Variants in ZPBP observed in about 807,000 individuals in gnomAD.
The protein encoded by ZPBP is zona pellucida binding protein.
In ZPBP, 26 loss-of-function variants were observed where a neutral mutation model predicts 44.8. That is an observed-to-expected ratio of 0.58 (90% confidence interval 0.43 to 0.81). The LOEUF (loss-of-function observed/expected upper bound fraction) is 0.81. Ranked by LOEUF, ZPBP falls within the 30% of genes least tolerant of loss-of-function variation. The pLI, the probability that ZPBP is intolerant of heterozygous loss-of-function variation, is 0.00. For missense variants in ZPBP, 409 were observed against 434.0 expected (o/e 0.94, Z 0.51); for synonymous variants, 174 against 153.2 (o/e 1.14, Z -1.00).
chr7:50,081,345 G>C (rs1273016829), intron 3 of ZPBP, among the ~76,000 whole-genome samples: 1 of 151,658 alleles, frequency 6.6e-6, no homozygotes, highest in Non-Finnish European at 1.5e-5. Context: ...AACAAAGCCA[G>C]CTAAGTTAAC....
downstream of ZPBP, among the ~76,000 whole-genome samples, chr7:49,934,426 A>C (rs1453339180): frequency 8.1e-6 from 1 of 124,172 alleles, no homozygotes; most frequent in African/African-American, 3.0e-5. Context: ...CACTGCAGAA[A>C]ATTTGGAAAA....
At chr7:49,956,029 C>A (rs1483523306) in intron 7 of ZPBP, among the ~76,000 whole-genome samples, 1 of 152,038 alleles carries the variant, frequency 6.6e-6, no homozygotes, top group Non-Finnish European at 1.5e-5. Flanking sequence ...TAATATCCAG[C>A]CATCCTATTG....
rs1176726182 is a variant in ZPBP at position 49,911,279 on chromosome 7, C to G, written n.412-10064G>C. Reference sequence around the variant, plus strand: ...CGGGCAGATCACGAGGTCAAGAGATCGAGACCATCCTGGCCAACATGGTGA... The same window carrying G: ...CGGGCAGATCACGAGGTCAAGAGATGGAGACCATCCTGGCCAACATGGTGA... On this transcript the variant is annotated intron_variant and non_coding_transcript_variant, in intron 1 of 2. Coordinates refer to the ZPBP transcript ENST00000465922. Among the ~76,000 whole-genome samples the G allele has an allele frequency of 2.0e-5, 3 of 151,814 alleles. No homozygotes were observed. In the East Asian group the frequency reaches 5.8e-4, roughly 30 times the overall value.
At chr7:49,957,111 G>A (rs752992198) in intron 7 of ZPBP, among the ~76,000 whole-genome samples, 1 of 152,088 alleles carries the variant, frequency 6.6e-6, no homozygotes, top group Admixed American at 6.6e-5. Flanking sequence ...TCTGTCTCAC[G>A]CCCTCTCTTT....
chr7:49,975,365 CAT>C (rs754956648), intron 7 of ZPBP, among the ~76,000 whole-genome samples: 35 of 152,260 alleles, frequency 2.3e-4, no homozygotes, highest in Admixed American at 6.5e-4. Flanking sequence ...TGTTCCTTCT[CAT>C]AGTTTCCTGA....
intron 1 of ZPBP, among the ~76,000 whole-genome samples, chr7:50,090,655 A>G (rs1485561566): frequency 2.6e-5 from 4 of 152,162 alleles, no homozygotes; most frequent in South Asian, 2.1e-4. Context: ...ATGCACACAC[A>G]CACACACATA....
chr7:50,083,838 T>A (rs932974876), intron 2 of ZPBP, among the ~76,000 whole-genome samples: 1 of 151,934 alleles, frequency 6.6e-6, no homozygotes, highest in Non-Finnish European at 1.5e-5. Flanking sequence ...AAATTCCAGG[T>A]ACACTGAATA....
At chr7:49,908,597 C>A (rs961501632) in intron 1 of ZPBP, among the ~76,000 whole-genome samples, 16 of 151,716 alleles carry the variant, frequency 1.1e-4, no homozygotes, top group African/African-American at 3.9e-4. Context: ...TATCTGTGCC[C>A]ACCAAGAAGG....
At chr7:49,932,372 C>T (rs1002482161) in intron 1 of ZPBP, among the ~76,000 whole-genome samples, 11 of 152,224 alleles carry the variant, frequency 7.2e-5, no homozygotes, top group African/African-American at 2.4e-4. Flanking sequence ...TGGGAACCCA[C>T]CTCTTGCATC....
intron 1 of ZPBP, among the ~76,000 whole-genome samples, chr7:49,902,554 CAAAA>C (rs34786165): frequency 1.9e-5 from 2 of 106,668 alleles, no homozygotes. Context: ...TATCCGTAGC[CAAAA>C]AAAAAAAAAA....
intron 4 of ZPBP, among the ~76,000 whole-genome samples, chr7:50,048,753 T>A (rs1288488000): frequency 6.6e-6 from 1 of 151,928 alleles, no homozygotes; most frequent in African/African-American, 2.4e-5. Flanking sequence ...CGTAGCCTAA[T>A]CTTTTATCTT....
At chr7:49,954,469 G>C (rs1225622777) in intron 7 of ZPBP, among the ~76,000 whole-genome samples, 1 of 152,116 alleles carries the variant, frequency 6.6e-6, no homozygotes, top group Non-Finnish European at 1.5e-5. Context: ...TTAAGATTTT[G>C]TCCATCAAAG....
At chr7:49,949,699 T>G (rs1356705901) in intron 7 of ZPBP, among the ~76,000 whole-genome samples, 2 of 151,974 alleles carry the variant, frequency 1.3e-5, no homozygotes, top group African/African-American at 4.8e-5. Context: ...ATTCTAGAGA[T>G]GGATGGTGAT....
chr7:50,006,998 T>C (rs577051267), intron 6 of ZPBP, among the ~76,000 whole-genome samples: 1 of 152,034 alleles, frequency 6.6e-6, no homozygotes, highest in East Asian at 1.9e-4. Context: ...GATCAAGTCA[T>C]GAGAGCAGGA....
chr7:50,064,009 T>G (rs568650646), intron 3 of ZPBP, among the ~76,000 whole-genome samples: 3 of 152,334 alleles, frequency 2.0e-5, no homozygotes, highest in African/African-American at 7.2e-5. Context: ...TCATTATCTT[T>G]CCAGTCTCTT....
At chr7:49,981,661 A>T (rs188084228) in intron 7 of ZPBP, among the ~76,000 whole-genome samples, 740 of 55,876 alleles carry the variant, frequency 0.013, 134 homozygotes, top group African/African-American at 0.027. Context: ...TTGATATAAA[A>T]TATATATTAT....
chr7:49,938,720 C>T (rs1314385862), intron 7 of ZPBP, among the ~76,000 whole-genome samples: 1 of 152,054 alleles, frequency 6.6e-6, no homozygotes, highest in Non-Finnish European at 1.5e-5. Flanking sequence ...TCCTCTTTTT[C>T]CTGTTGCAAA....
chr7:49,909,080 G>A (rs1008186236), intron 1 of ZPBP, among the ~76,000 whole-genome samples: 1 of 152,082 alleles, frequency 6.6e-6, no homozygotes, highest in Non-Finnish European at 1.5e-5. Context: ...GGCCCTGTGA[G>A]GTCTTATTAT....
chr7:49,951,793 G>C (rs1157484863), intron 7 of ZPBP, among the ~76,000 whole-genome samples: 1 of 151,498 alleles, frequency 6.6e-6, no homozygotes, highest in Non-Finnish European at 1.5e-5. Flanking sequence ...AATGTTCACA[G>C]CAACAGTATT....
Sources: allele counts gnomAD v4.1 joint callset (sites outside exome capture counted in the v4.1 genomes callset), GRCh38; gene constraint gnomAD v4.1.1; transcripts MANE v1.5; gene names NCBI Gene and HGNC (gene_info 2026-07-23, HGNC 2026-07-21).